The following MICU3 variants were observed in gnomAD, a reference collection of about 807,000 sequenced individuals.
MICU3 encodes the protein mitochondrial calcium uptake 3.
In MICU3, 62 loss-of-function variants were observed where a neutral mutation model predicts 66.5. The observed-to-expected ratio is 0.93, with a 90% confidence interval of 0.76 to 1.15. The LOEUF is 1.15. MICU3 is among the 50% of genes most tolerant of loss of function. The pLI is 0.00. For synonymous variants in MICU3, 308 were observed against 240.7 expected (o/e 1.28, Z -2.59); for missense variants, 779 against 664.4 (o/e 1.17, Z -1.90).
Position 17,077,945 on chromosome 8 carries a change from A to C in MICU3, c.646+84A>C, listed in dbSNP as rs1820627907. On this transcript the variant is annotated intron_variant, in intron 4 of 14. Transcript: ENST00000318063. Reference sequence around the variant, plus strand: ...ATGCATATTTTCCCATACCTAAAATAATTTTTAAATTACATCTATGTGTAT... The same window carrying C: ...ATGCATATTTTCCCATACCTAAAATCATTTTTAAATTACATCTATGTGTAT... The C allele has an allele frequency of 3.8e-6, 3 of 797,616 alleles. No homozygotes were observed. The South Asian group carries it at 6.7e-5, about 18-fold the overall frequency. 49.4% of individuals were successfully genotyped at this position (797,616 alleles called of 1,614,324 possible).
intron 8 of MICU3, among the ~76,000 whole-genome samples, chr8:17,094,494 A>G (rs140909541): frequency 1.6e-3 from 240 of 152,174 alleles, no homozygotes; most frequent in Middle Eastern, 3.4e-3. Flanking sequence ...ATTGTTTTAC[A>G]TATTTTGCAG....
chr8:17,115,180 G>T (rs1450737607), intron 12 of MICU3, among the ~76,000 whole-genome samples: 1 of 150,904 alleles, frequency 6.6e-6, no homozygotes, highest in East Asian at 1.9e-4. Context: ...AAGCCAAACT[G>T]CAGTCCCTAA....
chr8:17,087,066 C>G, intron 7 of MICU3, 31 bp downstream of exon 7: 1 of 1,334,296 alleles, frequency 7.5e-7, no homozygotes, highest in Non-Finnish European at 1.1e-6. Flanking sequence ...CTTTAGGTGG[C>G]TTTTGTAGGC....
chr8:17,028,279 G>C (rs1811393549), intron 1 of MICU3, among the ~76,000 whole-genome samples: 1 of 152,160 alleles, frequency 6.6e-6, no homozygotes, highest in Non-Finnish European at 1.5e-5. Flanking sequence ...CCAGAATCCC[G>C]TTAGTAGGTA....
intron 1 of MICU3, among the ~76,000 whole-genome samples, chr8:17,040,564 G>A (rs1041465821): frequency 6.6e-6 from 1 of 152,104 alleles, no homozygotes; most frequent in African/African-American, 2.4e-5. Flanking sequence ...AGCAGTAATG[G>A]TGAATTTAGT....
rs1017820867 is a variant in MICU3, at chr8:17,120,633, C to T, written c.*346C>T. On this transcript the variant is annotated 3_prime_UTR_variant, in exon 15 of 15. Coordinates refer to ENST00000318063, the MANE Select transcript of MICU3 (RefSeq NM_181723.3). ...TTTTTATTTATTCATTAGAAATTTTCCTCATTTCAAAATAATTTATGACTC... is the reference window on the plus strand; with the variant it reads ...TTTTTATTTATTCATTAGAAATTTTTCTCATTTCAAAATAATTTATGACTC... 2.0e-5 allele frequency: 3 copies of T among 152,304 alleles called. No homozygotes were observed. Among genetic ancestry groups the T allele is most frequent in the African/African-American group, 7.2e-5 (3 of 41,400 alleles). 9.4% of individuals were successfully genotyped at this position (152,304 alleles called of 1,614,324 possible). A position where few individuals can be genotyped will look rare whatever the true frequency, so the allele number is the denominator to read the frequency against.
At chr8:17,107,758 AC>A (rs1341514564) in intron 11 of MICU3, among the ~76,000 whole-genome samples, 1 of 152,180 alleles carries the variant, frequency 6.6e-6, no homozygotes, top group African/African-American at 2.4e-5. Flanking sequence ...AAGTTTGTGA[AC>A]CTTGCTTTAG....
chr8:17,079,535 T>A (rs1311950081), intron 4 of MICU3, among the ~76,000 whole-genome samples: 1 of 152,110 alleles, frequency 6.6e-6, no homozygotes, highest in East Asian at 1.9e-4. Flanking sequence ...TTTATTTTTA[T>A]TTTTGTTTTA....
rs997511558 is a variant in MICU3 at position 17,027,676 on chromosome 8, C to T, written c.381+16C>T. 7.8e-7 allele frequency: 1 copy of T among 1,277,648 alleles called. No homozygotes were observed. Among genetic ancestry groups the T allele is most frequent in the East Asian group, 3.1e-5 (1 of 31,922 alleles). The allele number at this position is 1,277,648 out of a possible 1,614,324, so 79.1% of individuals were successfully genotyped here. A position where few individuals can be genotyped will look rare whatever the true frequency, so the allele number is the denominator to read the frequency against. On this transcript the variant is annotated intron_variant, in intron 1 of 14. Coordinates refer to ENST00000318063, the MANE Select transcript of MICU3 (RefSeq NM_181723.3). ...CAAGGAGACGGTGAGTGCGCGAGCG[C>T]GCGTCACACCTGCGCGGGGGATGTG...
chr8:17,076,706 T>C (rs986965191), intron 3 of MICU3, among the ~76,000 whole-genome samples: 3 of 152,220 alleles, frequency 2.0e-5, no homozygotes, highest in African/African-American at 7.2e-5. Context: ...ATGGTTTGTC[T>C]GAAATGCCTT....
At chr8:17,110,007 A>G (rs2150823466) in intron 11 of MICU3, among the ~76,000 whole-genome samples, 1 of 152,318 alleles carries the variant, frequency 6.6e-6, no homozygotes. Flanking sequence ...TTATATTTCT[A>G]AAAGTTATTA....
chr8:17,060,776 T>C (rs1033031459), intron 1 of MICU3, among the ~76,000 whole-genome samples: 4 of 151,878 alleles, frequency 2.6e-5, no homozygotes, highest in Admixed American at 2.6e-4. Context: ...ATCTCTTTTA[T>C]ACATATTCTT....
intron 8 of MICU3, among the ~76,000 whole-genome samples, chr8:17,092,137 A>T (rs1259729364): frequency 1.3e-5 from 2 of 152,024 alleles, no homozygotes; most frequent in Non-Finnish European, 2.9e-5. Flanking sequence ...CGGCCTCCCA[A>T]AGTGCTGGGA....
At chr8:17,082,468 G>A (rs1821330992) in intron 5 of MICU3, among the ~76,000 whole-genome samples, 1 of 152,048 alleles carries the variant, frequency 6.6e-6, no homozygotes, top group African/African-American at 2.4e-5. Flanking sequence ...TTACTGCGTT[G>A]CATATTCTTC....
intron 11 of MICU3, among the ~76,000 whole-genome samples, chr8:17,107,108 G>T (rs1018617212): frequency 5.3e-5 from 8 of 152,198 alleles, no homozygotes; most frequent in African/African-American, 4.8e-5. Context: ...GGGTTAAAGT[G>T]GCAACATAAG....
At chr8:17,137,995 A>G in the MICU3 span, among the ~76,000 whole-genome samples, 2 of 152,030 alleles carry the variant, frequency 1.3e-5, no homozygotes, top group African/African-American at 4.8e-5. Context: ...GATTACAGGC[A>G]TGAACCACCA....
the MICU3 span, among the ~76,000 whole-genome samples, chr8:17,129,139 A>T: frequency 6.6e-6 from 1 of 152,208 alleles, no homozygotes; most frequent in African/African-American, 2.4e-5. Flanking sequence ...CCTTGACAGG[A>T]CCAAGCTATC....
chr8:17,027,803 C>A, intron 1 of MICU3, 143 bp downstream of exon 1: 1 of 1,073,752 alleles, frequency 9.3e-7, no homozygotes, highest in African/African-American at 1.6e-5. Context: ...ACACCTAGGC[C>A]GGACAGCCTA....
intron 8 of MICU3, among the ~76,000 whole-genome samples, chr8:17,093,138 T>C (rs1157579602): frequency 6.6e-6 from 1 of 152,048 alleles, no homozygotes; most frequent in Admixed American, 6.6e-5. Flanking sequence ...CTTATAACCT[T>C]TTCTGTTCCA....
Sources: allele counts gnomAD v4.1 joint callset (sites outside exome capture counted in the v4.1 genomes callset), GRCh38; gene constraint gnomAD v4.1.1; transcripts MANE v1.5; gene names NCBI Gene and HGNC (gene_info 2026-07-23, HGNC 2026-07-21).